The following CPA6 variants were observed in gnomAD, a reference collection of about 807,000 sequenced individuals.
CPA6 encodes the protein carboxypeptidase B.
CPA6 carries 58 observed loss-of-function variants against 63.3 expected under a neutral mutation model. The ratio of observed to expected loss-of-function variants is 0.92; its 90% CI spans 0.74 to 1.14. The LOEUF (loss-of-function observed/expected upper bound fraction) is 1.14. Ranked by LOEUF, CPA6 falls within the 50% of genes most tolerant of loss-of-function variation. CPA6 has a pLI of 0.00. For missense variants in CPA6, 565 were observed against 526.6 expected, an observed-to-expected ratio of 1.07 and a Z score of -0.71; for synonymous variants, 185 against 179.0, an observed-to-expected ratio of 1.03 and a Z score of -0.27.
At chr8:67,531,557 C>T (rs990810917) in intron 2 of CPA6, among the ~76,000 whole-genome samples, 1 of 151,932 alleles carries the variant, frequency 6.6e-6, no homozygotes, top group African/African-American at 2.4e-5. Context: ...TAAATGTATA[C>T]GTATATACAT....
intron 2 of CPA6, among the ~76,000 whole-genome samples, chr8:67,524,613 C>CTT (rs71554611): frequency 0.19 from 27,834 of 149,236 alleles, 2,594 homozygotes; most frequent in Middle Eastern, 0.29. Context: ...TTTGAAAAAA[C>CTT]TTTTTTTGTT....
chr8:67,720,530 T>G (rs1312737027), intron 1 of CPA6, among the ~76,000 whole-genome samples: 3 of 151,624 alleles, frequency 2.0e-5, no homozygotes, highest in African/African-American at 7.3e-5. Context: ...GACACTGAGC[T>G]CCGAACTGTC....
chr8:67,631,618 G>A (rs1299042009), intron 1 of CPA6, among the ~76,000 whole-genome samples: 1 of 152,110 alleles, frequency 6.6e-6, no homozygotes, highest in East Asian at 1.9e-4. Context: ...GCCAGATAAG[G>A]GAATAAAAGC....
At chr8:67,533,263 G>T (rs7831237) in intron 2 of CPA6, among the ~76,000 whole-genome samples, 2 of 152,294 alleles carry the variant, frequency 1.3e-5, no homozygotes, top group Admixed American at 6.5e-5. Flanking sequence ...TGCTGTGGCC[G>T]TAAGAAGGGT....
At chr8:67,616,859 G>T (rs3847179) in intron 2 of CPA6, among the ~76,000 whole-genome samples, 1 of 151,828 alleles carries the variant, frequency 6.6e-6, no homozygotes, top group African/African-American at 2.4e-5. Context: ...TCCCAGCCTA[G>T]AGCCTGCCAA....
chr8:67,543,774 C>CTATTATTATTATTATTATTAT (rs56764745), intron 2 of CPA6, among the ~76,000 whole-genome samples: 54 of 146,850 alleles, frequency 3.7e-4, no homozygotes, highest in African/African-American at 1.1e-3. Flanking sequence ...TCCCCCTCCA[C>CTATTATTATTATTATTATTAT]TATTATTATT....
chr8:67,709,788 G>A (rs1817215574), intron 1 of CPA6, among the ~76,000 whole-genome samples: 1 of 152,174 alleles, frequency 6.6e-6, no homozygotes, highest in South Asian at 2.1e-4. Context: ...AAGTATGGGT[G>A]GGGAGCTCAT....
chr8:67,676,586 AC>A, intron 1 of CPA6, among the ~76,000 whole-genome samples: 1 of 152,280 alleles, frequency 6.6e-6, no homozygotes, highest in East Asian at 1.9e-4. Context: ...GCACTATAAA[AC>A]TTTTATAGAT....
At chr8:67,630,256 C>T (rs562089566) in intron 1 of CPA6, among the ~76,000 whole-genome samples, 290 of 152,076 alleles carry the variant, frequency 1.9e-3, no homozygotes, top group Non-Finnish European at 2.8e-3. Context: ...CTGGATAGGA[C>T]GCCATCCATT....
At chr8:67,497,266 T>C (rs1009370176) in intron 6 of CPA6, among the ~76,000 whole-genome samples, 2 of 152,224 alleles carry the variant, frequency 1.3e-5, no homozygotes, top group African/African-American at 2.4e-5. Flanking sequence ...AATTCCCGCT[T>C]ACTCCATCCC....
chr8:67,422,648 TC>T lies in CPA6; in HGVS notation c.1169del (p.Gly390GlufsTer36), dbSNP rs772180807. ...GTTCGAAAGCAAATGCATAAGGTAT[TC>T]CATTTTTGTAGGCCCAATCCATTGA... ...GSSMDWAYKN[G>X]IPYAFAFELR... On this transcript the variant is annotated frameshift_variant, in exon 11 of 11. Transcript: ENST00000297770. LOFTEE classifies it high-confidence loss of function. 3.7e-6 allele frequency: 6 copies of T among 1,613,966 alleles called. No homozygotes were observed. In the South Asian group the frequency reaches 5.5e-5, roughly 15 times the overall value.
chr8:67,719,893 T>C (rs1045319698), intron 1 of CPA6, among the ~76,000 whole-genome samples: 1 of 152,082 alleles, frequency 6.6e-6, no homozygotes, highest in Non-Finnish European at 1.5e-5. Context: ...TTTAGAGAAG[T>C]TGGCGTCCAT....
rs74982101 is a variant in CPA6 at position 67,708,141 on chromosome 8, G to T, written c.116+37873C>A. Among the ~76,000 whole-genome samples the T allele has an allele frequency of 7.2e-3, 1,099 of 152,218 alleles. 18 individuals are homozygous for T. The highest frequency in any genetic ancestry group is 0.025 in the African/African-American group (1,040 of 41,540). ...TTTGATGGCACAAACCCATGGCTAAGCTTATGGCTTTAAAAAGTCTTATGT... is the reference window on the plus strand; with the variant it reads ...TTTGATGGCACAAACCCATGGCTAATCTTATGGCTTTAAAAAGTCTTATGT... On this transcript the variant is annotated intron_variant, in intron 1 of 10. Coordinates refer to ENST00000297770, the MANE Select transcript of CPA6 (RefSeq NM_020361.5).
chr8:67,562,557 T>C (rs1003954846), intron 2 of CPA6, among the ~76,000 whole-genome samples: 1 of 152,176 alleles, frequency 6.6e-6, no homozygotes, highest in Non-Finnish European at 1.5e-5. Context: ...TCTTCCCAAC[T>C]TCATATGTTG....
intron 1 of CPA6, among the ~76,000 whole-genome samples, chr8:67,644,145 G>A (rs1175498817): frequency 6.7e-6 from 1 of 149,718 alleles, no homozygotes. Context: ...TTGAGACAGA[G>A]TCTCGCTCTG....
In CPA6 at chr8:67,579,682, T is replaced by G. The variant is rs149400719; in HGVS notation, c.192+44494A>C. Among the ~76,000 whole-genome samples the G allele has an allele frequency of 4.6e-3, 695 of 152,330 alleles. 4 individuals carry two copies. The highest frequency in any genetic ancestry group is 0.016 in the African/African-American group (649 of 41,574). ...GGGGTCAGCAAACTGACCTGCCATA[T>G]CTGGCCTGCTGCCTGTTTTTCTATG... On this transcript the variant is annotated intron_variant, in intron 2 of 10. Coordinates refer to ENST00000297770, the MANE Select transcript of CPA6 (RefSeq NM_020361.5).
intron 2 of CPA6, among the ~76,000 whole-genome samples, chr8:67,538,047 A>T (rs1812623619): frequency 6.6e-6 from 1 of 152,120 alleles, no homozygotes; most frequent in African/African-American, 2.4e-5. Flanking sequence ...GTGGTCTGAG[A>T]GACTGTTTGT....
intron 2 of CPA6, among the ~76,000 whole-genome samples, chr8:67,599,640 G>C (rs73692550): frequency 0.087 from 13,195 of 152,270 alleles, 998 homozygotes; most frequent in African/African-American, 0.2. Context: ...AGCCAATGCT[G>C]ATTTGGTAAG....
At chr8:67,496,527 A>ATATATGTATATATATATATATG (rs1473380346) in intron 6 of CPA6, among the ~76,000 whole-genome samples, 1 of 84,826 alleles carries the variant, frequency 1.2e-5, no homozygotes, top group African/African-American at 4.0e-5. Context: ...GTTTATATAT[A>ATATATGTATATATATATATATG]TATATATATA....
Sources: allele counts gnomAD v4.1 joint callset (sites outside exome capture counted in the v4.1 genomes callset), GRCh38; gene constraint gnomAD v4.1.1; transcripts MANE v1.5; gene names NCBI Gene and HGNC (gene_info 2026-07-23, HGNC 2026-07-21).